Variants in FLVCR1 observed in about 807,000 individuals in gnomAD.
The protein encoded by FLVCR1 is choline/ethanolamine transporter FLVCR1.
Under a neutral mutation model 53.6 loss-of-function variants are expected in FLVCR1, and 34 were observed. The ratio of observed to expected loss-of-function variants is 0.63; its 90% CI spans 0.48 to 0.84. FLVCR1 has a LOEUF of 0.84. FLVCR1 is among the 40% of genes least tolerant of loss of function. FLVCR1 has a pLI of 0.00. For synonymous variants in FLVCR1, 300 were observed against 286.3 expected, an observed-to-expected ratio of 1.05 and a Z score of -0.48; for missense variants, 677 against 696.7, an observed-to-expected ratio of 0.97 and a Z score of 0.32.
chr1:212,891,189 A>G (rs1224884335), intron 8 of FLVCR1, among the ~76,000 whole-genome samples: 1 of 152,156 alleles, frequency 6.6e-6, no homozygotes, highest in Non-Finnish European at 1.5e-5. Context: ...CAGGTGGATC[A>G]TTTGATGTCA....
At chr1:212,882,392 A>G (rs1447526490) in intron 3 of FLVCR1, among the ~76,000 whole-genome samples, 1 of 152,202 alleles carries the variant, frequency 6.6e-6, no homozygotes, top group Non-Finnish European at 1.5e-5. Context: ...GCAGATGGAT[A>G]CAAATAATAT....
chr1:212,883,610 A>G (rs1463260411), intron 4 of FLVCR1, among the ~76,000 whole-genome samples, 172 bp downstream of exon 4: 2 of 152,240 alleles, frequency 1.3e-5, no homozygotes, highest in African/African-American at 2.4e-5. Context: ...CCACAACTTT[A>G]TATATCTAAT....
At position 212,859,309 on chromosome 1, in the gene FLVCR1, G is replaced by A. The variant is rs41296698; in HGVS notation, c.738+119G>A. ...CCAGGAGGTATTTGTCTATAAAAGA[G>A]GAGATGAAGCCGTTGAATAGGAGGC... is the stretch of plus-strand genomic sequence containing the variant. On this transcript the variant is annotated intron_variant, in intron 1 of 9. Transcript: ENST00000366971. 73 of 1,480,052 alleles carry A rather than the reference G, an allele frequency of 4.9e-5. No homozygotes were observed. The African/African-American group carries it at 8.7e-4, about 18-fold the overall frequency. The allele number at this position is 1,480,052 out of a possible 1,614,324, so 91.7% of individuals were successfully genotyped here. A position where few individuals can be genotyped will look rare whatever the true frequency, so the allele number is the denominator to read the frequency against.
intron 5 of FLVCR1, among the ~76,000 whole-genome samples, chr1:212,887,622 G>A (rs942764122): frequency 3.3e-5 from 5 of 152,222 alleles, no homozygotes; most frequent in African/African-American, 1.2e-4. Context: ...ATGTGAATAG[G>A]GAACTATCCC....
chr1:212,869,932 AT>A (rs2102547143), intron 2 of FLVCR1: 1 of 152,388 alleles, frequency 6.6e-6, no homozygotes, highest in South Asian at 2.1e-4. Flanking sequence ...GAGACTTAAG[AT>A]TCATTAAATA....
intron 3 of FLVCR1, among the ~76,000 whole-genome samples, chr1:212,878,579 T>A (rs1041151087): frequency 6.6e-6 from 1 of 151,052 alleles, no homozygotes; most frequent in East Asian, 2.0e-4. Flanking sequence ...GAGACAACTA[T>A]TAAAACTAAT....
intron 2 of FLVCR1, 124 bp downstream of exon 2, chr1:212,863,993 C>A: frequency 1.3e-6 from 1 of 792,750 alleles, no homozygotes; most frequent in Non-Finnish European, 2.1e-6. Context: ...TCTTCCATGC[C>A]CTGTCTTGCT....
chr1:212,894,953 A>G (rs781060143), intron 8 of FLVCR1, 33 bp from the exon 9 acceptor site: 6 of 1,466,400 alleles, frequency 4.1e-6, no homozygotes, highest in African/African-American at 1.4e-5. Flanking sequence ...TTCACATAAC[A>G]GTTTATAGTA....
rs568967747 is a variant in FLVCR1 at position 212,893,567 on chromosome 1, C to A, written c.1526-1419C>A. 6.6e-5 allele frequency among the ~76,000 whole-genome samples: 10 copies of A among 152,172 alleles called. 1 individual carries two copies. The South Asian group carries it at 2.1e-3, about 32-fold the overall frequency. On this transcript the variant is annotated intron_variant, in intron 8 of 9. Coordinates refer to ENST00000366971, the MANE Select transcript of FLVCR1 (RefSeq NM_014053.4). ...AAACAAGTATTGCACACAGAGAGAT[C>A]TTTCATGAAAGGAAGAGTTGATTAA...
intron 3 of FLVCR1, among the ~76,000 whole-genome samples, chr1:212,878,124 A>T (rs1206665403): frequency 6.6e-6 from 1 of 152,142 alleles, no homozygotes; most frequent in Non-Finnish European, 1.5e-5. Context: ...TAGTTACATT[A>T]GAGACCGTAT....
intron 8 of FLVCR1, among the ~76,000 whole-genome samples, chr1:212,894,542 C>T (rs1464667199): frequency 2.6e-5 from 4 of 152,168 alleles, no homozygotes; most frequent in Admixed American, 1.3e-4. Flanking sequence ...GCCTTCCTCT[C>T]CTCTTGTCTG....
In FLVCR1 at chr1:212,888,798, C is replaced by G. The variant is rs186006807; in HGVS notation, c.1413+204C>G. ...CTCCTAGGCTCAAGCAATCCTCCCC[C>G]CTCTGCCTCCAGAGTTTTTGGGACT... On this transcript the variant is annotated intron_variant, in intron 7 of 9. Transcript: ENST00000366971. Among the ~76,000 whole-genome samples the G allele has an allele frequency of 4.2e-4, 64 of 152,290 alleles. 1 individual carries two copies. The highest frequency in any genetic ancestry group is 1.3e-3 in the African/African-American group (54 of 41,556).
intron 7 of FLVCR1, 113 bp downstream of exon 7, chr1:212,888,707 C>A: frequency 1.2e-6 from 1 of 861,900 alleles, no homozygotes; most frequent in East Asian, 2.6e-5. Context: ...TTTTTGGAGA[C>A]AGAGTCTTGC....
chr1:212,890,299 A>G (rs1665158875), intron 8 of FLVCR1, among the ~76,000 whole-genome samples: 1 of 152,228 alleles, frequency 6.6e-6, no homozygotes, highest in Non-Finnish European at 1.5e-5. Flanking sequence ...ATTAGGTATT[A>G]GTAATCTAGA....
chr1:212,871,025 C>G (rs933372097), intron 2 of FLVCR1, among the ~76,000 whole-genome samples: 1 of 152,198 alleles, frequency 6.6e-6, no homozygotes, highest in Non-Finnish European at 1.5e-5. Context: ...CTGCCTCGGC[C>G]TCCCAAAGTG....
chr1:212,861,495 G>A (rs189461476), intron 1 of FLVCR1, among the ~76,000 whole-genome samples: 186 of 152,150 alleles, frequency 1.2e-3, no homozygotes, highest in Middle Eastern at 3.4e-3. Context: ...CTGTTGTCTG[G>A]TATGATTACT....
At chr1:212,882,261 TA>T (rs781331132) in intron 3 of FLVCR1, among the ~76,000 whole-genome samples, 63 of 152,236 alleles carry the variant, frequency 4.1e-4, no homozygotes, top group Middle Eastern at 3.4e-3. Flanking sequence ...ACGAGATAAT[TA>T]AATTGAAGTA....
intron 1 of FLVCR1, 144 bp downstream of exon 1, chr1:212,859,334 C>G: frequency 2.4e-6 from 3 of 1,276,110 alleles, no homozygotes; most frequent in Non-Finnish European, 3.3e-6. Context: ...GAATAGGAGG[C>G]CGTCTTGGAT....
intron 3 of FLVCR1, among the ~76,000 whole-genome samples, chr1:212,878,211 A>G (rs992868713): frequency 6.6e-6 from 1 of 152,204 alleles, no homozygotes; most frequent in African/African-American, 2.4e-5. Context: ...TATTAAAATA[A>G]TACAAGAGAG....
Sources: allele counts gnomAD v4.1 joint callset (sites outside exome capture counted in the v4.1 genomes callset), GRCh38; gene constraint gnomAD v4.1.1; transcripts MANE v1.5; gene names NCBI Gene and HGNC (gene_info 2026-07-23, HGNC 2026-07-21).